The following ENOX2 variants were observed in gnomAD, a reference collection of about 807,000 sequenced individuals.
The protein encoded by ENOX2 is ecto-NOX disulfide-thiol exchanger 2.
In ENOX2, 36 loss-of-function variants were observed where a neutral mutation model predicts 45.0. The observed-to-expected ratio is 0.80, with a 90% CI of 0.61 to 1.06. The LOEUF is 1.06. Among genes scored for constraint, ENOX2 ranks in the 50% least tolerant of loss-of-function variants. The pLI is 0.00. For synonymous variants in ENOX2, 174 were observed against 152.3 expected, an observed-to-expected ratio of 1.14 and a Z score of -1.05; for missense variants, 423 against 462.5, an observed-to-expected ratio of 0.91 and a Z score of 0.78.
intron 2 of ENOX2, among the ~76,000 whole-genome samples, chrX:130,896,846 C>G (rs888746535): frequency 8.9e-6 from 1 of 111,891 alleles, no homozygotes; most frequent in Non-Finnish European, 1.9e-5. Flanking sequence ...ACTTCAGGAT[C>G]CTGAATGACC....
At chrX:130,885,448 T>C (rs1457756355) in intron 2 of ENOX2, among the ~76,000 whole-genome samples, 3 of 112,165 alleles carry the variant, frequency 2.7e-5, no homozygotes, top group Non-Finnish European at 3.8e-5. Context: ...AAAGTATATA[T>C]TAAATCACTG....
chrX:130,723,033 A>G (rs1478270854), intron 3 of ENOX2, among the ~76,000 whole-genome samples: 1 of 112,391 alleles, frequency 8.9e-6, no homozygotes, highest in Non-Finnish European at 1.9e-5. Flanking sequence ...AGTGCCAGAG[A>G]TCCCAAGGTG....
chrX:130,725,310 T>C (rs1162889931), intron 3 of ENOX2, among the ~76,000 whole-genome samples: 1 of 107,424 alleles, frequency 9.3e-6, no homozygotes, highest in Non-Finnish European at 1.9e-5. Context: ...GAGTCGAGCA[T>C]GGATAGCTGA....
At chrX:130,891,720 A>AT (rs1373192060) in intron 2 of ENOX2, among the ~76,000 whole-genome samples, 1 of 109,749 alleles carries the variant, frequency 9.1e-6, no homozygotes, top group African/African-American at 3.3e-5. Flanking sequence ...AACTCAGGCA[A>AT]TTTGAATCCA....
intron 9 of ENOX2, among the ~76,000 whole-genome samples, chrX:130,662,033 A>G (rs1050046303): frequency 9.0e-6 from 1 of 111,565 alleles, no homozygotes; most frequent in Admixed American, 9.5e-5. Flanking sequence ...TAGGCCAGCT[A>G]GAGAGAAACA....
At chrX:130,755,329 G>C (rs1303763800) in intron 3 of ENOX2, among the ~76,000 whole-genome samples, 1 of 108,318 alleles carries the variant, frequency 9.2e-6, no homozygotes, top group East Asian at 2.9e-4. Context: ...ACAGTGCCTG[G>C]TGCAGTAGGA....
At chrX:130,688,402 G>T (rs1201938468) in intron 5 of ENOX2, among the ~76,000 whole-genome samples, 1 of 111,734 alleles carries the variant, frequency 8.9e-6, no homozygotes, top group African/African-American at 3.3e-5. Flanking sequence ...ATGCCTCACT[G>T]TATATTACAA....
chrX:130,878,908 A>G (rs1247854131), intron 2 of ENOX2, among the ~76,000 whole-genome samples: 1 of 112,673 alleles, frequency 8.9e-6, no homozygotes, highest in Non-Finnish European at 1.9e-5. Context: ...AACCAAGACG[A>G]AATGTAAAAT....
At chrX:130,717,979 C>G (rs142001956) in intron 3 of ENOX2, among the ~76,000 whole-genome samples, 368 of 111,549 alleles carry the variant, frequency 3.3e-3, no homozygotes, top group African/African-American at 0.011. Flanking sequence ...CTAAAGGATT[C>G]TTTAATTGCC....
intron 2 of ENOX2, among the ~76,000 whole-genome samples, chrX:130,811,648 A>G (rs1190461964): frequency 1.8e-5 from 2 of 112,637 alleles, no homozygotes; most frequent in African/African-American, 6.5e-5. Context: ...ATCCAAAAAT[A>G]TCAATAATGA....
intron 3 of ENOX2, among the ~76,000 whole-genome samples, chrX:130,710,939 C>T (rs950277594): frequency 2.0e-4 from 22 of 111,953 alleles, no homozygotes; most frequent in Non-Finnish European, 3.6e-4. Flanking sequence ...GTAGGCACAC[C>T]ATGACAAAGG....
At chrX:130,857,138 T>C (rs1358764702) in intron 2 of ENOX2, among the ~76,000 whole-genome samples, 6 of 112,056 alleles carry the variant, frequency 5.4e-5, no homozygotes, top group Admixed American at 9.4e-5. Context: ...AAAATGAACA[T>C]ACTACTGATA....
At chrX:130,711,960 A>G (rs2038204536) in intron 3 of ENOX2, among the ~76,000 whole-genome samples, 1 of 111,394 alleles carries the variant, frequency 9.0e-6, no homozygotes, top group Admixed American at 9.5e-5. Context: ...TCTCCAAGGA[A>G]GTGATAGCAC....
chrX:130,760,785 CAAAAAAAAAAAAAAAAAAA>C (rs555575901), intron 3 of ENOX2, among the ~76,000 whole-genome samples: 13 of 9,401 alleles, frequency 1.4e-3, no homozygotes, highest in South Asian at 0.014. Flanking sequence ...GACTCCATCT[CAAAAAAAAAAAAAAAAAAA>C]AAAAAAAAAA....
At chrX:130,873,346 A>G (rs188180363) in intron 2 of ENOX2, among the ~76,000 whole-genome samples, 30 of 112,453 alleles carry the variant, frequency 2.7e-4, no homozygotes, top group African/African-American at 9.4e-4. Flanking sequence ...ACAATGAGAT[A>G]CCATCTCACA....
At chrX:130,728,339 C>G (rs1323752907) in intron 3 of ENOX2, among the ~76,000 whole-genome samples, 1 of 111,563 alleles carries the variant, frequency 9.0e-6, no homozygotes, top group Non-Finnish European at 1.9e-5. Flanking sequence ...TCTCTGTGAC[C>G]AGCTTTCCCT....
intron 2 of ENOX2, among the ~76,000 whole-genome samples, chrX:130,791,286 CCTT>C (rs760378670): frequency 1.8e-5 from 2 of 111,134 alleles, no homozygotes; most frequent in Non-Finnish European, 1.9e-5. Context: ...GTGGTAAACT[CCTT>C]GAGGACAGAC....
At chrX:130,640,320 T>A in intron 10 of ENOX2, among the ~76,000 whole-genome samples, 1 of 112,482 alleles carries the variant, frequency 8.9e-6, no homozygotes, top group Non-Finnish European at 1.9e-5. Context: ...ACACTGTTGG[T>A]GGGAGTGTAA....
intron 3 of ENOX2, among the ~76,000 whole-genome samples, chrX:130,743,638 AT>A (rs368102335): frequency 5.0e-4 from 52 of 103,479 alleles, no homozygotes; most frequent in Admixed American, 7.2e-4. Context: ...CACCTGGCTA[AT>A]TTTTTTTTTT....
Sources: gnomAD v4.1 joint callset for allele counts (sites outside exome capture counted in the v4.1 genomes callset) on GRCh38, gnomAD v4.1.1 for gene constraint, MANE v1.5 for transcripts, NCBI Gene and HGNC (gene_info 2026-07-23, HGNC 2026-07-21) for gene names.